WT1: variants seen among roughly 807,000 people sequenced by gnomAD.
The protein encoded by WT1 is WT1 transcription factor, also known as Wilms tumor protein.
WT1 carries 8 observed loss-of-function variants against 60.8 expected under a neutral mutation model. The ratio of observed to expected loss-of-function variants is 0.13; its 90% CI spans 0.08 to 0.24. WT1 has a LOEUF of 0.24. Among genes scored for constraint, WT1 ranks in the 10% least tolerant of loss-of-function variants. WT1 has a pLI of 1.00. For missense variants in WT1, 568 were observed against 711.8 expected, an observed-to-expected ratio of 0.80 and a Z score of 2.30; for synonymous variants, 312 against 297.1, an observed-to-expected ratio of 1.05 and a Z score of -0.52.
At chr11:32,390,808 C>T (rs1443300371) in intron 9 of WT1, among the ~76,000 whole-genome samples, 91 of 152,160 alleles carry the variant, frequency 6.0e-4, no homozygotes, top group Non-Finnish European at 1.0e-4. Flanking sequence ...AAATATCTGC[C>T]CCTTCTCCAA....
At chr11:32,410,001 A>G (rs1852445758) in intron 5 of WT1, among the ~76,000 whole-genome samples, 1 of 151,928 alleles carries the variant, frequency 6.6e-6, no homozygotes, top group South Asian at 2.1e-4. Flanking sequence ...ATCTCGGCTC[A>G]CTGCAACCTC....
intron 3 of WT1, among the ~76,000 whole-genome samples, chr11:32,422,377 C>T (rs1343835388): frequency 4.6e-5 from 7 of 152,210 alleles, no homozygotes; most frequent in African/African-American, 1.7e-4. Context: ...AAGCCTGTGG[C>T]TTTGATAACA....
At chr11:32,399,062 A>T (rs915155616) in intron 6 of WT1, among the ~76,000 whole-genome samples, 1 of 151,122 alleles carries the variant, frequency 6.6e-6, no homozygotes, top group African/African-American at 2.4e-5. Flanking sequence ...AGGCTGAGGC[A>T]GGAGAATGGT....
At position 32,435,485 on chromosome 11, in the gene WT1, T is replaced by C; in HGVS notation, c.-125A>G. On this transcript the variant is annotated 5_prime_UTR_variant, in exon 1 of 10. Transcript: ENST00000452863. ...GTGGGGGAGCGGACAGGCGGTCGGG[T>C]TGCGGAGAGCCCCCGGGTGTGGGCG... 1 of 1,417,702 alleles carries C rather than the reference T, an allele frequency of 7.1e-7. No individual in the cohort carries two copies. The highest frequency in any genetic ancestry group is 9.4e-7 in the Non-Finnish European group (1 of 1,062,584). 87.8% of individuals were successfully genotyped at this position (1,417,702 alleles called of 1,614,324 possible).
intron 5 of WT1, 103 bp from the exon 6 acceptor site, chr11:32,400,147 G>GAA (rs765432286): frequency 3.5e-5 from 50 of 1,429,428 alleles, no homozygotes; most frequent in Non-Finnish European, 4.7e-5. Flanking sequence ...AAAGCTCACA[G>GAA]AACAAAAATA....
chr11:32,428,727 C>T, intron 1 of WT1, 108 bp from the exon 2 acceptor site: 1 of 1,515,082 alleles, frequency 6.6e-7, no homozygotes, highest in Non-Finnish European at 8.9e-7. Flanking sequence ...ACCCCGCATT[C>T]GGACCCCCAG....
chr11:32,425,702 C>A (rs1175053316), intron 3 of WT1, among the ~76,000 whole-genome samples: 3 of 152,066 alleles, frequency 2.0e-5, no homozygotes, highest in Admixed American at 2.0e-4. Context: ...GTCACAAATT[C>A]TTTTTTGAGA....
intron 3 of WT1, among the ~76,000 whole-genome samples, chr11:32,425,882 A>G (rs1853018862): frequency 6.6e-6 from 1 of 152,266 alleles, no homozygotes; most frequent in African/African-American, 2.4e-5. Context: ...GTGGCCAATC[A>G]GAAGCTGGAT....
chr11:32,422,257 G>C (rs1275145402), intron 3 of WT1, among the ~76,000 whole-genome samples: 1 of 152,170 alleles, frequency 6.6e-6, no homozygotes, highest in Non-Finnish European at 1.5e-5. Context: ...GCTAACCAAA[G>C]AAAAACCCAC....
chr11:32,413,844 G>T (rs976114689), intron 5 of WT1, among the ~76,000 whole-genome samples: 1 of 152,138 alleles, frequency 6.6e-6, no homozygotes, highest in Non-Finnish European at 1.5e-5. Context: ...CTAATCTAGG[G>T]CCCAGGTCCT....
intron 2 of WT1, 35 bp from the exon 3 acceptor site, chr11:32,428,093 G>A (rs769131510): frequency 6.4e-7 from 1 of 1,554,250 alleles, no homozygotes; most frequent in South Asian, 1.2e-5. Flanking sequence ...GAGCGAGTGC[G>A]CCCCAAGGGC....
rs768449767 is a variant in WT1 at position 32,389,192 on chromosome 11, T to C, written c.1448-13A>G. ...AAGGGCTTTTCACCTGTTGACACAA[T>C]TGCCAGTCAGAGACACTTGCAACAA... On this transcript the variant is annotated splice_polypyrimidine_tract_variant and intron_variant, in intron 9 of 9. Coordinates refer to ENST00000452863, the MANE Select transcript of WT1 (RefSeq NM_024426.6). 1.9e-6 allele frequency: 3 copies of C among 1,613,872 alleles called. No homozygotes were observed. The highest frequency in any genetic ancestry group is 2.2e-5 in the South Asian group (2 of 91,044).
chr11:32,402,414 C>G (rs1368384522), intron 5 of WT1, among the ~76,000 whole-genome samples: 1 of 152,210 alleles, frequency 6.6e-6, no homozygotes, highest in African/African-American at 2.4e-5. Context: ...TGACAATGGC[C>G]ATTTGGCAGC....
chr11:32,416,546 A>C lies in WT1; in HGVS notation c.966-6T>G. ...TGGAGCTCCCAGCAGCAACTCTAGA[A>C]AAGAAGAAGAGGTGGGGAGTGGGGA... On this transcript the variant is annotated splice_polypyrimidine_tract_variant and splice_region_variant and intron_variant, in intron 4 of 9. Transcript: ENST00000452863. 6.2e-7 allele frequency: 1 copy of C among 1,614,000 alleles called. No homozygotes were observed. The highest frequency in any genetic ancestry group is 8.5e-7 in the Non-Finnish European group (1 of 1,179,954).
At chr11:32,427,186 C>T (rs761351709) in intron 3 of WT1, among the ~76,000 whole-genome samples, 42 of 152,222 alleles carry the variant, frequency 2.8e-4, no homozygotes, top group Non-Finnish European at 5.0e-4. Context: ...GGCTGGTGTG[C>T]GCCGCAGTTA....
Position 32,413,998 on chromosome 11 carries a change from A to G in WT1, c.1016+2492T>C, listed in dbSNP as rs114820922. ...TGGGGGTGTTGTAAGATCAGATCAGAAGAGGAAACATGTACAGCCCCTCAC... is the reference window on the plus strand; with the variant it reads ...TGGGGGTGTTGTAAGATCAGATCAGGAGAGGAAACATGTACAGCCCCTCAC... On this transcript the variant is annotated intron_variant, in intron 5 of 9. Coordinates refer to ENST00000452863, the MANE Select transcript of WT1 (RefSeq NM_024426.6). 6.9e-3 allele frequency among the ~76,000 whole-genome samples: 1,044 copies of G among 152,328 alleles called. 11 individuals carry two copies. Among genetic ancestry groups the G allele is most frequent in the African/African-American group, 0.024 (992 of 41,572 alleles).
chr11:32,399,816 T>C, intron 6 of WT1, 132 bp downstream of exon 6: 1 of 974,314 alleles, frequency 1.0e-6, no homozygotes, highest in Non-Finnish European at 1.6e-6. Flanking sequence ...CAGGTGTCCC[T>C]GATGTTAAAG....
intron 3 of WT1, among the ~76,000 whole-genome samples, chr11:32,425,405 T>G (rs1216036988): frequency 1.3e-5 from 2 of 152,166 alleles, no homozygotes; most frequent in African/African-American, 4.8e-5. Context: ...GTTAAGCAAT[T>G]AAAGTTTAGT....
At chr11:32,389,961 G>A (rs574479630) in intron 9 of WT1, among the ~76,000 whole-genome samples, 4 of 152,120 alleles carry the variant, frequency 2.6e-5, no homozygotes, top group East Asian at 1.9e-4. Context: ...CTTCACACAC[G>A]CACACACACA....
Sources: allele counts gnomAD v4.1 joint callset (sites outside exome capture counted in the v4.1 genomes callset), GRCh38; gene constraint gnomAD v4.1.1; transcripts MANE v1.5; gene names NCBI Gene and HGNC (gene_info 2026-07-23, HGNC 2026-07-21).